The following NEK11 variants were observed in gnomAD, a reference collection of about 807,000 sequenced individuals.
NEK11 encodes the protein NIMA related kinase 11.
Under a neutral mutation model 80.7 loss-of-function variants are expected in NEK11, and 72 were observed. The observed-to-expected ratio is 0.89, with a 90% CI of 0.74 to 1.08. The LOEUF (loss-of-function observed/expected upper bound fraction) is 1.08. Ranked by LOEUF, NEK11 falls within the 50% of genes least tolerant of loss-of-function variation. The pLI is 0.00. For missense variants in NEK11, 764 were observed against 763.6 expected (o/e 1.00, Z -0.01); for synonymous variants, 251 against 260.7 (o/e 0.96, Z 0.36).
At chr3:131,032,644 G>C (rs1001707220) in intron 3 of NEK11, among the ~76,000 whole-genome samples, 1 of 152,216 alleles carries the variant, frequency 6.6e-6, no homozygotes, top group Non-Finnish European at 1.5e-5. Context: ...TGAACAAAAA[G>C]TAAAGCCAGG....
intron 14 of NEK11, among the ~76,000 whole-genome samples, chr3:131,216,456 G>A (rs2150597753): frequency 6.6e-6 from 1 of 152,368 alleles, no homozygotes; most frequent in South Asian, 2.1e-4. Flanking sequence ...AAGGCTTGCA[G>A]CAGCCTGTGT....
rs9756635 is a variant in NEK11 at position 131,333,012 on chromosome 3, G to T, written c.1719-16545G>T. ...CTGATTGGTGTACCTGAAAGTGACG[G>T]GGAGAATGGAACCAAGTTGGAAAAC... On this transcript the variant is annotated intron_variant, in intron 17 of 17. Coordinates refer to ENST00000383366, the MANE Select transcript of NEK11 (RefSeq NM_024800.5). Among the ~76,000 whole-genome samples, 1,510 of 152,260 alleles carry T rather than the reference G, an allele frequency of 9.9e-3. 33 individuals are homozygous for T. Among genetic ancestry groups the T allele is most frequent in the African/African-American group, 0.034 (1,408 of 41,508 alleles).
chr3:131,310,470 G>C (rs2109396116), intron 17 of NEK11, among the ~76,000 whole-genome samples: 1 of 152,300 alleles, frequency 6.6e-6, no homozygotes, highest in East Asian at 1.9e-4. Flanking sequence ...TTAGATGCGA[G>C]ATATTTTGTA....
At chr3:131,279,073 T>C (rs1362304355) in intron 17 of NEK11, among the ~76,000 whole-genome samples, 2 of 151,910 alleles carry the variant, frequency 1.3e-5, no homozygotes, top group Non-Finnish European at 2.9e-5. Flanking sequence ...ATTTTTGACT[T>C]TTAAAAATTT....
chr3:131,198,706 C>T, intron 14 of NEK11, among the ~76,000 whole-genome samples: 1 of 152,174 alleles, frequency 6.6e-6, no homozygotes, highest in Non-Finnish European at 1.5e-5. Flanking sequence ...TAGAGCTATT[C>T]CTGTTTTTTC....
Position 131,132,843 on chromosome 3 carries a change from C to G in NEK11, c.520+34C>G, listed in dbSNP as rs201116192. ...TTAAAAAGTATGAATTCCAAAAACG[C>G]AGAACAGTATATTCTAGATATTATC... On this transcript the variant is annotated intron_variant, in intron 6 of 17. Coordinates refer to ENST00000383366, the MANE Select transcript of NEK11 (RefSeq NM_024800.5). The G allele has an allele frequency of 2.4e-4, 230 of 954,770 alleles. 1 individual carries two copies. In the Middle Eastern group the frequency reaches 4.1e-3, roughly 17 times the overall value. 59.1% of individuals were successfully genotyped at this position (954,770 alleles called of 1,614,324 possible).
intron 12 of NEK11, among the ~76,000 whole-genome samples, chr3:131,166,073 A>G (rs1370664885): frequency 1.3e-5 from 2 of 152,154 alleles, no homozygotes; most frequent in African/African-American, 4.8e-5. Flanking sequence ...AGCAAACACC[A>G]TTTTCTCTAA....
chr3:131,060,066 G>A (rs1033134379), intron 3 of NEK11, among the ~76,000 whole-genome samples: 1 of 152,192 alleles, frequency 6.6e-6, no homozygotes, highest in Non-Finnish European at 1.5e-5. Context: ...TGGGCCCTAT[G>A]TGACTGCACA....
chr3:131,232,832 C>T (rs1473126874), intron 15 of NEK11, among the ~76,000 whole-genome samples: 1 of 152,050 alleles, frequency 6.6e-6, no homozygotes, highest in Non-Finnish European at 1.5e-5. Context: ...GCTAGTATTT[C>T]CAGAATCTTC....
chr3:131,071,710 TC>T (rs2073345748), intron 3 of NEK11, among the ~76,000 whole-genome samples: 1 of 152,216 alleles, frequency 6.6e-6, no homozygotes, highest in African/African-American at 2.4e-5. Context: ...TAGTCATTTG[TC>T]CCCCAGTTTT....
chr3:131,273,327 G>A (rs2096233785), intron 16 of NEK11, 151 bp from the exon 17 acceptor site: 1 of 591,052 alleles, frequency 1.7e-6, no homozygotes. Flanking sequence ...TCTTCTTAAT[G>A]TGCGTGTTAT....
At position 131,117,750 on chromosome 3, in the gene NEK11, G is replaced by T. The variant is rs553034927; in HGVS notation, c.455+7829G>T. 2.0e-4 allele frequency among the ~76,000 whole-genome samples: 30 copies of T among 152,214 alleles called. 1 individual carries two copies. Among genetic ancestry groups the T allele is most frequent in the Middle Eastern group, 3.4e-3 (1 of 294 alleles). ...TTCTCTTTGAAGCAATTGTGAATGG[G>T]AATTCATTCATGATTTGGCTCTCTA... On this transcript the variant is annotated intron_variant, in intron 5 of 17. Transcript: ENST00000383366.
Position 131,258,762 on chromosome 3 carries a change from ATAATAAAAATATTTT to A in NEK11, c.1622-14715_1622-14701del, listed in dbSNP as rs755283348. Among the ~76,000 whole-genome samples, 1,474 of 152,324 alleles carry A rather than the reference ATAATAAAAATATTTT, an allele frequency of 9.7e-3. 17 individuals are homozygous for A. The highest frequency in any genetic ancestry group is 0.032 in the African/African-American group (1,319 of 41,578). On this transcript the variant is annotated intron_variant, in intron 16 of 17. Transcript: ENST00000383366. ...TGAATATTTGCAGTGTGAAATAACC[ATAATAAAAATATTTT>A]ATTTTCTATCTTCTGGTATTTATCA...
rs142836665 is a variant in NEK11, at chr3:131,175,937, A to T, written c.1399+5050A>T. ...TATCACCTGGGACACAAACTCCTTA[A>T]TCCAGAAGGTGATCACAGGGTTTGA... On this transcript the variant is annotated intron_variant, in intron 14 of 17. Transcript: ENST00000383366. 2.3e-3 allele frequency among the ~76,000 whole-genome samples: 355 copies of T among 152,320 alleles called. 1 individual carries two copies. The highest frequency in any genetic ancestry group is 8.0e-3 in the African/African-American group (334 of 41,574).
At chr3:131,146,278 A>G (rs1002461730) in intron 7 of NEK11, among the ~76,000 whole-genome samples, 1 of 152,148 alleles carries the variant, frequency 6.6e-6, no homozygotes, top group Non-Finnish European at 1.5e-5. Context: ...TCAGATTATT[A>G]TGTGTGTGTT....
chr3:131,242,693 C>T (rs1485478560), intron 15 of NEK11, among the ~76,000 whole-genome samples: 1 of 152,172 alleles, frequency 6.6e-6, no homozygotes, highest in Admixed American at 6.6e-5. Context: ...GCTGGGATTA[C>T]AGGCGTGAGC....
At chr3:131,166,527 C>A (rs185049501) in intron 12 of NEK11, among the ~76,000 whole-genome samples, 1 of 152,314 alleles carries the variant, frequency 6.6e-6, no homozygotes. Flanking sequence ...CAAGTGGGGA[C>A]CAATAAGAGG....
At chr3:131,227,392 G>A (rs2095230564) in intron 14 of NEK11, among the ~76,000 whole-genome samples, 2 of 152,200 alleles carry the variant, frequency 1.3e-5, no homozygotes, top group East Asian at 1.9e-4. Flanking sequence ...ATGCTTTCAT[G>A]AGAATTCTAT....
intron 5 of NEK11, among the ~76,000 whole-genome samples, chr3:131,128,121 C>G (rs886469432): frequency 6.6e-6 from 1 of 152,166 alleles, no homozygotes; most frequent in African/African-American, 2.4e-5. Flanking sequence ...AGCATTGCTA[C>G]CAGTCATACA....
Sources: allele counts gnomAD v4.1 joint callset (sites outside exome capture counted in the v4.1 genomes callset), GRCh38; gene constraint gnomAD v4.1.1; transcripts MANE v1.5; gene names NCBI Gene and HGNC (gene_info 2026-07-23, HGNC 2026-07-21).